The following KYAT1 variants were observed in gnomAD, a reference collection of about 807,000 sequenced individuals.
The protein encoded by KYAT1 is kynurenine--oxoglutarate transaminase 1.
In KYAT1, 47 loss-of-function variants were observed where a neutral mutation model predicts 52.4. The observed-to-expected ratio is 0.90, with a 90% CI of 0.71 to 1.14. KYAT1 has a LOEUF of 1.14. Ranked by LOEUF, KYAT1 falls within the 50% of genes most tolerant of loss-of-function variation. The probability of loss-of-function intolerance (pLI) is 0.00; values close to 1 mark genes in which losing one functional copy is unlikely to be tolerated. For synonymous variants in KYAT1, 212 were observed against 209.6 expected, an observed-to-expected ratio of 1.01 and a Z score of -0.10; for missense variants, 480 against 557.9, an observed-to-expected ratio of 0.86 and a Z score of 1.41.
Position 128,833,731 on chromosome 9 carries a change from G to A in KYAT1, c.1209+9C>T, listed in dbSNP as rs1830507755. 6.2e-7 allele frequency: 1 copy of A among 1,613,840 alleles called. No individual in the cohort carries two copies. The highest frequency in any genetic ancestry group is 8.5e-7 in the Non-Finnish European group (1 of 1,179,804). On this transcript the variant is annotated intron_variant, in intron 12 of 12. Transcript: ENST00000302586. Reference sequence around the variant, plus strand: ...GTGAGGTCTTTCCTCCCCCAGCCCTGCCCTTTACCTTCACAAAACAGAAGC... The same window carrying A: ...GTGAGGTCTTTCCTCCCCCAGCCCTACCCTTTACCTTCACAAAACAGAAGC...
chr9:128,875,862 C>A (rs1218622769), intron 1 of KYAT1, among the ~76,000 whole-genome samples: 1 of 152,116 alleles, frequency 6.6e-6, no homozygotes, highest in African/African-American at 2.4e-5. Flanking sequence ...CAGCTACTGG[C>A]CATTTGCTTG....
At chr9:128,843,875 C>T (rs957833373) in intron 2 of KYAT1, among the ~76,000 whole-genome samples, 1 of 152,248 alleles carries the variant, frequency 6.6e-6, no homozygotes, top group Non-Finnish European at 1.5e-5. Flanking sequence ...GTTAAACGCT[C>T]TGCTCATATA....
chr9:128,835,355 T>C lies in KYAT1; in HGVS notation c.1090A>G (p.Arg364Gly), dbSNP rs1308697849. Residue 364 changes from arginine to glycine, a missense_variant, in exon 11 of 13, where the codon AGA (arginine) becomes GGA (glycine). Transcript: ENST00000302586. ...TTGATCATCCACTTGACGAAGCGTC[T>C]GTCATAGGGCTCATCCACAGCTCCA... ...LPGAVDEPYD[R>G]RFVKWMIKNK... 5 of 1,613,946 alleles carry C rather than the reference T, an allele frequency of 3.1e-6. No homozygotes were observed. The South Asian group carries it at 5.5e-5, about 18-fold the overall frequency.
At chr9:128,860,862 C>T (rs1359961473) in intron 1 of KYAT1, among the ~76,000 whole-genome samples, 4 of 152,046 alleles carry the variant, frequency 2.6e-5, no homozygotes, top group East Asian at 1.9e-4. Flanking sequence ...TGCCTCCGGC[C>T]CACACGCATT....
chr9:128,879,397 G>GTGAC (rs1838494773), intron 1 of KYAT1, among the ~76,000 whole-genome samples: 1 of 152,120 alleles, frequency 6.6e-6, no homozygotes, highest in Admixed American at 6.5e-5. Context: ...AGGAGTTACA[G>GTGAC]TGACTGCCTC....
chr9:128,871,207 A>G (rs1022315686), intron 1 of KYAT1, among the ~76,000 whole-genome samples: 1 of 151,976 alleles, frequency 6.6e-6, no homozygotes, highest in African/African-American at 2.4e-5. Flanking sequence ...AGTCCCAGCT[A>G]CTCGGGAAGC....
chr9:128,842,158 A>C (rs925045291), intron 3 of KYAT1: 1 of 307,562 alleles, frequency 3.3e-6, no homozygotes, highest in Admixed American at 3.6e-5. Flanking sequence ...GCACCATTGC[A>C]CTCCAGCCTG....
In KYAT1 at chr9:128,874,904, T is replaced by C. The variant is rs548490282; in HGVS notation, c.-7+6993A>G. 2.3e-3 allele frequency among the ~76,000 whole-genome samples: 356 copies of C among 152,010 alleles called. 2 individuals are homozygous for C. The highest frequency in any genetic ancestry group is 8.1e-3 in the African/African-American group (338 of 41,480). ...CATGCCCGACTTATTTTTGTATTTTTAGTAGGGATGGGGTTTCACCATGTT... is the reference window on the plus strand; with the variant it reads ...CATGCCCGACTTATTTTTGTATTTTCAGTAGGGATGGGGTTTCACCATGTT... On this transcript the variant is annotated intron_variant, in intron 1 of 12. Transcript: ENST00000302586.
chr9:128,879,322 AGG>A, intron 1 of KYAT1, among the ~76,000 whole-genome samples: 1 of 151,648 alleles, frequency 6.6e-6, no homozygotes. Context: ...AAAAAAAAAA[AGG>A]AATTATGCAG....
chr9:128,838,166 C>A (rs1364010459), intron 4 of KYAT1, 29 bp from the exon 5 acceptor site: 1 of 1,614,060 alleles, frequency 6.2e-7, no homozygotes, highest in Non-Finnish European at 8.5e-7. Context: ...CAGCTGGAGT[C>A]AGCATGGCCC....
intron 2 of KYAT1, 148 bp downstream of exon 2, chr9:128,845,205 C>T (rs1280935221): frequency 4.7e-6 from 3 of 635,844 alleles, no homozygotes; most frequent in South Asian, 1.9e-5. Context: ...CCTACTCCCT[C>T]GGGCCCTGTC....
chr9:128,848,903 G>A lies in KYAT1; in HGVS notation c.-6-3492C>T, dbSNP rs557382413. Among the ~76,000 whole-genome samples, 6 of 151,812 alleles carry A rather than the reference G, an allele frequency of 4.0e-5. No homozygotes were observed. In the East Asian group the frequency reaches 5.8e-4, roughly 15 times the overall value. On this transcript the variant is annotated intron_variant, in intron 1 of 12. Coordinates refer to ENST00000302586, the MANE Select transcript of KYAT1 (RefSeq NM_004059.5). ...AACACTTTGGGAGGCCAAGGCGGGA[G>A]GATCATTTGAGGTCAGGAGTTTGAG... is the stretch of plus-strand genomic sequence containing the variant.
intron 1 of KYAT1, among the ~76,000 whole-genome samples, chr9:128,848,877 G>A (rs896092166): frequency 1.0e-4 from 15 of 148,708 alleles, no homozygotes; most frequent in Admixed American, 6.8e-5. Flanking sequence ...CCTGTAACAC[G>A]AACACTTTGG....
upstream of KYAT1, chr9:128,882,397 T>G: frequency 3.8e-6 from 1 of 260,062 alleles, no homozygotes; most frequent in Non-Finnish European, 7.3e-6. Flanking sequence ...TCCCGCGGTG[T>G]TCGGCCTACC....
intron 1 of KYAT1, among the ~76,000 whole-genome samples, chr9:128,867,830 T>C (rs2130758972): frequency 6.6e-6 from 1 of 152,392 alleles, no homozygotes; most frequent in South Asian, 2.1e-4. Flanking sequence ...TGGAGTGCAG[T>C]GGCGCGATCT....
intron 1 of KYAT1, among the ~76,000 whole-genome samples, chr9:128,868,907 T>C (rs1320390118): frequency 1.3e-5 from 2 of 151,958 alleles, no homozygotes; most frequent in African/African-American, 4.8e-5. Flanking sequence ...GGTTTCACCA[T>C]GTTGGCCAGG....
intron 1 of KYAT1, among the ~76,000 whole-genome samples, chr9:128,870,626 G>C (rs766231604): frequency 2.1e-4 from 32 of 152,114 alleles, no homozygotes; most frequent in Non-Finnish European, 3.1e-4. Context: ...AACAGAGCAA[G>C]ACCCTGTCAC....
chr9:128,835,032 G>A, intron 11 of KYAT1: 1 of 394,686 alleles, frequency 2.5e-6, no homozygotes, highest in Non-Finnish European at 4.7e-6. Context: ...AGCTACTCGG[G>A]AGGCTGAGGC....
intron 11 of KYAT1, among the ~76,000 whole-genome samples, chr9:128,834,552 G>A (rs544476383): frequency 2.0e-5 from 3 of 151,900 alleles, no homozygotes; most frequent in African/African-American, 7.2e-5. Flanking sequence ...GGCCAGGCAC[G>A]GTGGCTCACG....
Sources: gnomAD v4.1 joint callset for allele counts (sites outside exome capture counted in the v4.1 genomes callset) on GRCh38, gnomAD v4.1.1 for gene constraint, MANE v1.5 for transcripts, NCBI Gene and HGNC (gene_info 2026-07-23, HGNC 2026-07-21) for gene names.